EYA2: variants seen among roughly 807,000 people sequenced by gnomAD.
The protein encoded by EYA2 is protein phosphatase EYA2.
In EYA2, 31 loss-of-function variants were observed where a neutral mutation model predicts 69.2. The ratio of observed to expected loss-of-function variants is 0.45; its 90% confidence interval spans 0.34 to 0.60. The LOEUF is 0.60. Ranked by LOEUF, EYA2 falls within the 20% of genes least tolerant of loss-of-function variation. EYA2 has a pLI of 0.02. For synonymous variants in EYA2, 257 were observed against 279.4 expected, an observed-to-expected ratio of 0.92 and a Z score of 0.80; for missense variants, 622 against 701.2, an observed-to-expected ratio of 0.89 and a Z score of 1.28.
In EYA2 at chr20:47,004,965, G is replaced by C; in HGVS notation, c.179G>C (p.Arg60Pro). 6.2e-7 allele frequency: 1 copy of C among 1,614,010 alleles called. No individual in the cohort carries two copies. Among genetic ancestry groups the C allele is most frequent in the Non-Finnish European group, 8.5e-7 (1 of 1,179,966 alleles). ...AGATCTTGCCCACGTGTCCTCCCCC[G>C]CCAGCCTTCCACAGCCATGGCAGCC... The part of the protein sequence containing the change: ...FSRSCPRVLP[R>P]QPSTAMAAYG... The change falls in exon 4 of 16, where the codon CGC (arginine) becomes CCC (proline). Residue 60 changes from arginine to proline, a missense_variant. By Grantham distance (103) the Arg-to-Pro change is moderately radical (BLOSUM62 -2). Transcript: ENST00000327619.
chr20:47,065,597 TTTTTA>T (rs2031080008), intron 5 of EYA2, among the ~76,000 whole-genome samples: 1 of 152,218 alleles, frequency 6.6e-6, no homozygotes, highest in African/African-American at 2.4e-5. Flanking sequence ...ATTTGTTTAA[TTTTTA>T]TTTTATAATT....
chr20:46,916,779 G>C (rs369410316), intron 1 of EYA2, among the ~76,000 whole-genome samples: 3 of 152,156 alleles, frequency 2.0e-5, no homozygotes, highest in African/African-American at 7.2e-5. Flanking sequence ...TCCCAGAGCA[G>C]ATGGCCAGAA....
intron 1 of EYA2, among the ~76,000 whole-genome samples, chr20:46,947,179 A>G (rs1302553365): frequency 1.3e-5 from 2 of 152,102 alleles, no homozygotes. Flanking sequence ...TTTTTTTTGC[A>G]TGTACATGAA....
At chr20:47,088,711 C>T (rs770438824) in intron 7 of EYA2, among the ~76,000 whole-genome samples, 1 of 152,168 alleles carries the variant, frequency 6.6e-6, no homozygotes, top group Non-Finnish European at 1.5e-5. Context: ...CTCTGCCTCC[C>T]GAGTAGCTGG....
At chr20:46,985,022 A>G (rs183898482) in intron 1 of EYA2, among the ~76,000 whole-genome samples, 2 of 152,382 alleles carry the variant, frequency 1.3e-5, no homozygotes, top group East Asian at 3.9e-4. Context: ...TATTGTGCAC[A>G]TTATTCATTA....
At chr20:47,181,082 C>A in intron 14 of EYA2, 146 bp downstream of exon 14, 1 of 1,122,604 alleles carries the variant, frequency 8.9e-7, no homozygotes, top group East Asian at 2.5e-5. Flanking sequence ...CCAAAACAGC[C>A]CCCATAGACC....
rs539166216 is a variant in EYA2 at position 47,110,340 on chromosome 20, C to CA, written c.888+13174dup. Among the ~76,000 whole-genome samples, 618 of 152,300 alleles carry CA rather than the reference C, an allele frequency of 4.1e-3. 7 individuals carry two copies. Among genetic ancestry groups the CA allele is most frequent in the African/African-American group, 0.014 (596 of 41,548 alleles). On this transcript the variant is annotated intron_variant, in intron 9 of 15. Transcript: ENST00000327619. ...CACTGCAGCCTCAACTTCCTGGGAT[C>CA]AAGCAATCCTCTCAGCTCAGCCTCT... is the stretch of plus-strand genomic sequence containing the variant.
At chr20:47,119,818 G>A (rs1020192549) in intron 9 of EYA2, among the ~76,000 whole-genome samples, 1 of 152,236 alleles carries the variant, frequency 6.6e-6, no homozygotes, top group African/African-American at 2.4e-5. Flanking sequence ...TGTAATCCCA[G>A]CATTTCAGGA....
chr20:47,099,039 G>GGGAGGTAATCCCA (rs1226962753), intron 9 of EYA2, among the ~76,000 whole-genome samples: 29 of 152,224 alleles, frequency 1.9e-4, no homozygotes, highest in Non-Finnish European at 1.3e-4. Flanking sequence ...AGGAAGTAGT[G>GGGAGGTAATCCCA]GGGAATTCAG....
At chr20:46,908,348 C>T (rs1984464508) in intron 1 of EYA2, among the ~76,000 whole-genome samples, 1 of 152,170 alleles carries the variant, frequency 6.6e-6, no homozygotes, top group South Asian at 2.1e-4. Flanking sequence ...GAGAGGAATG[C>T]AGCGCTGAAG....
chr20:46,976,568 G>A (rs903450615), intron 1 of EYA2, among the ~76,000 whole-genome samples: 2 of 152,136 alleles, frequency 1.3e-5, no homozygotes, highest in African/African-American at 4.8e-5. Context: ...TATATTTTTA[G>A]TAGAGACGGG....
intron 5 of EYA2, among the ~76,000 whole-genome samples, chr20:47,027,501 CTTGCTGCCTTTT>C (rs1984162989): frequency 6.6e-6 from 1 of 152,214 alleles, no homozygotes; most frequent in South Asian, 2.1e-4. Flanking sequence ...TGCTGGCAGG[CTTGCTGCCTTTT>C]GCTTGAGCTA....
At chr20:46,982,958 G>A (rs986759271) in intron 1 of EYA2, among the ~76,000 whole-genome samples, 3 of 148,038 alleles carry the variant, frequency 2.0e-5, no homozygotes, top group African/African-American at 7.6e-5. Flanking sequence ...ATTTTTAGTA[G>A]AGGTGGGGTT....
intron 9 of EYA2, among the ~76,000 whole-genome samples, chr20:47,128,397 G>A (rs1457769145): frequency 6.6e-6 from 1 of 152,162 alleles, no homozygotes; most frequent in Non-Finnish European, 1.5e-5. Context: ...TGAGACCTGA[G>A]AAAAGAATCA....
At chr20:46,984,263 A>G (rs1389153345) in intron 1 of EYA2, among the ~76,000 whole-genome samples, 1 of 152,200 alleles carries the variant, frequency 6.6e-6, no homozygotes, top group Admixed American at 6.5e-5. Flanking sequence ...TTTTTGTTCT[A>G]CAAAAGATAA....
intron 5 of EYA2, among the ~76,000 whole-genome samples, chr20:47,064,574 C>T (rs1303231175): frequency 1.3e-5 from 2 of 152,216 alleles, no homozygotes. Context: ...TTTTCCACAG[C>T]TTTTTATGCA....
intron 1 of EYA2, among the ~76,000 whole-genome samples, chr20:46,976,851 TGGG>T (rs1280351671): frequency 6.6e-6 from 1 of 152,200 alleles, no homozygotes; most frequent in Non-Finnish European, 1.5e-5. Context: ...AGTTTTTCCT[TGGG>T]GTATCACTTC....
At chr20:47,140,834 G>A (rs766006166) in intron 9 of EYA2, among the ~76,000 whole-genome samples, 2 of 152,198 alleles carry the variant, frequency 1.3e-5, no homozygotes, top group Non-Finnish European at 2.9e-5. Flanking sequence ...TCAAGATTGG[G>A]TAGCTGTACC....
intron 3 of EYA2, among the ~76,000 whole-genome samples, chr20:47,001,923 A>C (rs1982405177): frequency 2.1e-5 from 3 of 142,848 alleles, no homozygotes; most frequent in African/African-American, 2.6e-5. Context: ...CCTTCTTTTC[A>C]ATCTCCCTTC....
Sources: allele counts gnomAD v4.1 joint callset (sites outside exome capture counted in the v4.1 genomes callset), GRCh38; gene constraint gnomAD v4.1.1; transcripts MANE v1.5; gene names NCBI Gene and HGNC (gene_info 2026-07-23, HGNC 2026-07-21).